Variants in TAFAZZIN observed in about 807,000 individuals in gnomAD.
The protein encoded by TAFAZZIN is protein G4.5.
In TAFAZZIN, 6 loss-of-function variants were observed where a neutral mutation model predicts 27.3. That is an observed-to-expected ratio of 0.22 (90% confidence interval 0.12 to 0.43). The LOEUF (loss-of-function observed/expected upper bound fraction) is 0.43. TAFAZZIN is among the 20% of genes least tolerant of loss of function. The pLI is 1.00. For synonymous variants in TAFAZZIN, 79 were observed against 96.2 expected, an observed-to-expected ratio of 0.82 and a Z score of 1.04; for missense variants, 127 against 244.5, an observed-to-expected ratio of 0.52 and a Z score of 3.21.
intron 5 of TAFAZZIN, among the ~76,000 whole-genome samples, chrX:154,417,429 G>C (rs782376828): frequency 6.2e-5 from 7 of 112,560 alleles, no homozygotes; most frequent in African/African-American, 1.9e-4. Flanking sequence ...CTGCAGTTGG[G>C]GGGGAATGGA....
chrX:154,420,851 C>G (rs1184819598), intron 10 of TAFAZZIN, 52 bp from the exon 11 acceptor site: 2 of 1,193,973 alleles, frequency 1.7e-6, no homozygotes, highest in East Asian at 5.9e-5. Context: ...TCCCAGGGCA[C>G]CTTGGCCAAG....
chrX:154,411,972 G>A lies in TAFAZZIN; in HGVS notation c.109+20G>A. The A allele has an allele frequency of 8.3e-7, 1 of 1,201,279 alleles. No homozygotes were observed. The highest frequency in any genetic ancestry group is 1.8e-5 in the South Asian group (1 of 55,915). On this transcript the variant is annotated intron_variant, in intron 1 of 10. Coordinates refer to ENST00000601016, the MANE Select transcript of TAFAZZIN (RefSeq NM_000116.5). ...GGACCAGTGAGTGGGCCCAGGCCGA[G>A]GCAGGCCCGCCCGGGTACCCATGCC...
intron 5 of TAFAZZIN, among the ~76,000 whole-genome samples, chrX:154,418,133 C>T (rs373763466): frequency 1.8e-5 from 2 of 111,565 alleles, no homozygotes; most frequent in African/African-American, 3.3e-5. Flanking sequence ...GGATAGGTTG[C>T]GTCAGTGGGT....
intron 5 of TAFAZZIN, among the ~76,000 whole-genome samples, chrX:154,415,324 C>T (rs1021318446): frequency 5.7e-5 from 6 of 105,090 alleles, no homozygotes; most frequent in African/African-American, 1.7e-4. Flanking sequence ...TAGACTCAAG[C>T]GATCCTCCCG....
intron 3 of TAFAZZIN, 31 bp downstream of exon 3, chrX:154,413,283 C>T (rs782722324): frequency 2.5e-5 from 30 of 1,206,047 alleles, no homozygotes; most frequent in Non-Finnish European, 3.1e-5. Flanking sequence ...CGAAGTGGGC[C>T]GGGCCGGCCC....
At chrX:154,420,771 G>A (rs782022833) in intron 10 of TAFAZZIN, 36 bp downstream of exon 10, 14 of 1,199,996 alleles carry the variant, frequency 1.2e-5, no homozygotes, top group Admixed American at 8.8e-5. Context: ...AGCTGTCCCC[G>A]GACCCCCTGC....
Position 154,420,025 on chromosome X carries a change from T to C in TAFAZZIN, c.584-7T>C, listed in dbSNP as rs397515745. ...TATGCTAACATTTCTACCTCCCCCC[T>C]GGGCAGGAATCGGGCGCCTGATTGC... On this transcript the variant is annotated splice_polypyrimidine_tract_variant and splice_region_variant and intron_variant, in intron 7 of 10. Transcript: ENST00000601016. The C allele has an allele frequency of 7.4e-6, 9 of 1,211,454 alleles. No homozygotes were observed. The Admixed American group carries it at 2.0e-4, about 26-fold the overall frequency.
chrX:154,412,650 C>G (rs903032002), intron 2 of TAFAZZIN: 7 of 183,497 alleles, frequency 3.8e-5, no homozygotes, highest in African/African-American at 1.8e-4. Flanking sequence ...TATTTGGGAG[C>G]CTGGTTGCCA....
At position 154,420,738 on chromosome X, in the gene TAFAZZIN, G is replaced by A. The variant is rs2068606988; in HGVS notation, c.777+3G>A. The A allele has an allele frequency of 1.7e-6, 2 of 1,211,339 alleles. No individual in the cohort carries two copies. Among genetic ancestry groups the A allele is most frequent in the Admixed American group, 4.3e-5 (2 of 45,999 alleles). On this transcript the variant is annotated splice_donor_region_variant and intron_variant, in intron 10 of 10. Coordinates refer to ENST00000601016, the MANE Select transcript of TAFAZZIN (RefSeq NM_000116.5). ...TCCGGGCGGAGAACAAGTCGGCTGT[G>A]AGTTTCCTCCTGGGTCCCCCGTAGC... is the stretch of plus-strand genomic sequence containing the variant.
chrX:154,419,215 C>T (rs1357637077), intron 5 of TAFAZZIN: 20 of 334,286 alleles, frequency 6.0e-5, no homozygotes, highest in Admixed American at 2.8e-4. Context: ...GTCAGAATCT[C>T]GGTAGGAGAT....
Position 154,421,603 on chromosome X carries a change from C to T in TAFAZZIN, c.*599C>T, listed in dbSNP as rs1206402602. 6.1e-6 allele frequency: 2 copies of T among 330,460 alleles called. No homozygotes were observed. Among genetic ancestry groups the T allele is most frequent in the Non-Finnish European group, 1.2e-5 (2 of 170,169 alleles). 27.2% of individuals were successfully genotyped at this position (330,460 alleles called of 1,213,427 possible). ...GAGGGCCTGAGGTCTGGCTGCTTGC[C>T]CCCATGCTGGCGCCAACAACTTCTC... On this transcript the variant is annotated 3_prime_UTR_variant, in exon 11 of 11. Transcript: ENST00000601016.
intron 5 of TAFAZZIN, among the ~76,000 whole-genome samples, chrX:154,416,736 G>A (rs2068500537): frequency 9.0e-6 from 1 of 111,577 alleles, no homozygotes; most frequent in Non-Finnish European, 1.9e-5. Flanking sequence ...GGCTGGGAGG[G>A]GAGAGGGTCA....
rs1472064740 is a variant in TAFAZZIN, at chrX:154,421,563, C to T, written c.*559C>T. The T allele has an allele frequency of 1.8e-5, 6 of 329,488 alleles. No homozygotes were observed. Among genetic ancestry groups the T allele is most frequent in the East Asian group, 9.7e-5 (1 of 10,304 alleles). The allele number at this position is 329,488 out of a possible 1,213,427, so 27.2% of individuals were successfully genotyped here. On this transcript the variant is annotated 3_prime_UTR_variant, in exon 11 of 11. Coordinates refer to ENST00000601016, the MANE Select transcript of TAFAZZIN (RefSeq NM_000116.5). ...CTTGGCCAGAAGTCAAGCCCAGCCA[C>T]GTGGAGCCTAGAGTGAGGGCCTGAG...
chrX:154,419,421 C>T, intron 5 of TAFAZZIN, 122 bp from the exon 6 acceptor site: 2 of 748,811 alleles, frequency 2.7e-6, no homozygotes, highest in Non-Finnish European at 4.1e-6. Context: ...TAGTCCCCAA[C>T]ACATGGGCCC....
intron 5 of TAFAZZIN, among the ~76,000 whole-genome samples, chrX:154,414,565 G>A (rs2068426039): frequency 9.3e-6 from 1 of 107,987 alleles, no homozygotes; most frequent in Non-Finnish European, 1.9e-5. Flanking sequence ...GGTAGTGGGC[G>A]CCTGTAGTCC....
intron 2 of TAFAZZIN, 156 bp downstream of exon 2, chrX:154,412,370 G>A (rs2068338977): frequency 5.4e-6 from 4 of 742,082 alleles, no homozygotes; most frequent in Non-Finnish European, 7.7e-6. Flanking sequence ...TGGATTTGTG[G>A]CTCCTGCAGC....
chrX:154,415,880 CAAA>C (rs140328432), intron 5 of TAFAZZIN, among the ~76,000 whole-genome samples: 800 of 28,022 alleles, frequency 0.029, 11 homozygotes, highest in African/African-American at 0.098. Flanking sequence ...GACCTGGTCT[CAAA>C]AAAAAAAAAA....
At chrX:154,420,835 G>A in intron 10 of TAFAZZIN, 68 bp from the exon 11 acceptor site, 11 of 1,184,297 alleles carry the variant, frequency 9.3e-6, no homozygotes, top group African/African-American at 3.6e-5. Flanking sequence ...CCCTCCCAGG[G>A]CACCCTCCCA....
In TAFAZZIN at chrX:154,421,144, T is replaced by A. The variant is rs2068619529; in HGVS notation, c.*140T>A. 2 of 563,100 alleles carry A rather than the reference T, an allele frequency of 3.6e-6. No homozygotes were observed. Among genetic ancestry groups the A allele is most frequent in the East Asian group, 3.6e-5 (1 of 27,903 alleles). The allele number at this position is 563,100 out of a possible 1,213,427, so 46.4% of individuals were successfully genotyped here. On this transcript the variant is annotated 3_prime_UTR_variant, in exon 11 of 11. Coordinates refer to ENST00000601016, the MANE Select transcript of TAFAZZIN (RefSeq NM_000116.5). ...AGTGCCCTCTCCGAGCTGGTAGGCA[T>A]TCCAGCTCCTCCGTGCTTCCTCAGT...
Sources: gnomAD v4.1 joint callset for allele counts (sites outside exome capture counted in the v4.1 genomes callset) on GRCh38, gnomAD v4.1.1 for gene constraint, MANE v1.5 for transcripts, NCBI Gene and HGNC (gene_info 2026-07-23, HGNC 2026-07-21) for gene names.